Variants in LAMA3 observed in about 807,000 individuals in gnomAD.
LAMA3 encodes laminin subunit alpha 3.
LAMA3 carries 281 observed loss-of-function variants against 402.0 expected under a neutral mutation model. The observed-to-expected ratio is 0.70, with a 90% CI of 0.63 to 0.77. The LOEUF (loss-of-function observed/expected upper bound fraction) is 0.77, where lower values mean the gene tolerates loss of function less well. Among genes scored for constraint, LAMA3 ranks in the 30% least tolerant of loss-of-function variants. The probability of loss-of-function intolerance (pLI) is 0.00; values close to 1 mark genes in which losing one functional copy is unlikely to be tolerated. For synonymous variants in LAMA3, 1,431 were observed against 1,558.4 expected (o/e 0.92, Z 1.93); for missense variants, 3,840 against 4,215.5 (o/e 0.91, Z 2.47).
Position 23,819,856 on chromosome 18 carries a change from C to A in LAMA3, c.2163C>A (p.Tyr721Ter). 6.2e-7 allele frequency: 1 copy of A among 1,614,100 alleles called. No homozygotes were observed. Among genetic ancestry groups the A allele is most frequent in the Middle Eastern group, 1.6e-4 (1 of 6,062 alleles). The change falls in exon 19 of 75, where the codon TAC becomes TAA. Residue 721 changes from tyrosine to a stop codon, truncating the protein, a stop_gained. Transcript: ENST00000313654. LOFTEE classifies it high-confidence loss of function. ...GKVCQRPENNYYFPDLHHMKY... is the reference protein window; with the variant it reads ...GKVCQRPENN ...ATTATGAAAGGCCTGAAAACAACTA[C>A]TATTTCCCAGATTTGCATCATATGA...
chr18:23,824,648 C>G, intron 21 of LAMA3, 83 bp downstream of exon 21: 3 of 1,445,436 alleles, frequency 2.1e-6, no homozygotes, highest in Non-Finnish European at 2.9e-6. Context: ...CAATCCACAG[C>G]GACCATAAAA....
At chr18:23,834,747 C>G (rs1041936395) in intron 24 of LAMA3, 7 of 152,252 alleles carry the variant, frequency 4.6e-5, no homozygotes, top group African/African-American at 1.7e-4. Flanking sequence ...CTACTACTTT[C>G]ATGTTGCTTT....
At chr18:23,778,051 T>G (rs1305205563) in intron 11 of LAMA3, among the ~76,000 whole-genome samples, 2 of 152,182 alleles carry the variant, frequency 1.3e-5, no homozygotes, top group African/African-American at 4.8e-5. Context: ...CTGCCATTAG[T>G]GGAGGCATTA....
rs555494129 is a variant in LAMA3, at chr18:23,726,496, C to T, written c.447+12424C>T. On this transcript the variant is annotated intron_variant, in intron 2 of 74. Transcript: ENST00000313654. ...CTTTTGGCTCAGGCGCTGGGCAGGGCTGGGCCTGAAGGTGCCTGGTATTTA... is the reference window on the plus strand; with the variant it reads ...CTTTTGGCTCAGGCGCTGGGCAGGGTTGGGCCTGAAGGTGCCTGGTATTTA... Among the ~76,000 whole-genome samples the T allele has an allele frequency of 1.4e-4, 22 of 152,364 alleles. No individual in the cohort carries two copies. In the South Asian group the frequency reaches 3.1e-3, roughly 22 times the overall value.
At chr18:23,951,582 C>A in intron 72 of LAMA3, 102 bp from the exon 73 acceptor site, 2 of 835,344 alleles carry the variant, frequency 2.4e-6, no homozygotes, top group Admixed American at 2.0e-5. Flanking sequence ...CTAATGTGCC[C>A]TTAAGCTGTC....
intron 8 of LAMA3, among the ~76,000 whole-genome samples, chr18:23,771,089 G>T (rs1007376698): frequency 2.0e-5 from 3 of 152,166 alleles, no homozygotes; most frequent in Non-Finnish European, 4.4e-5. Flanking sequence ...ATAAGAAATG[G>T]AAATGTTTGT....
chr18:23,926,056 T>G (rs551565177), intron 62 of LAMA3, among the ~76,000 whole-genome samples: 2 of 152,308 alleles, frequency 1.3e-5, no homozygotes, highest in South Asian at 4.1e-4. Context: ...CTTAGGGTGG[T>G]TGGAAGATTC....
chr18:23,822,482 C>T (rs2144406007), intron 20 of LAMA3, 107 bp downstream of exon 20: 1 of 1,242,062 alleles, frequency 8.1e-7, no homozygotes, highest in East Asian at 2.4e-5. Context: ...AATGTCAAGC[C>T]TGGCTCATGG....
At chr18:23,755,035 T>A (rs186908738) in intron 6 of LAMA3, among the ~76,000 whole-genome samples, 2 of 152,308 alleles carry the variant, frequency 1.3e-5, no homozygotes, top group East Asian at 3.9e-4. Flanking sequence ...TTGAGAGAGC[T>A]TACGCACAAA....
intron 42 of LAMA3, among the ~76,000 whole-genome samples, chr18:23,893,724 A>G (rs1025510845): frequency 6.6e-6 from 1 of 152,192 alleles, no homozygotes; most frequent in African/African-American, 2.4e-5. Context: ...CCCGTGTTTC[A>G]TGGGACTGTT....
intron 49 of LAMA3, 56 bp from the exon 50 acceptor site, chr18:23,903,877 A>G (rs756038854): frequency 1.4e-5 from 20 of 1,383,534 alleles, no homozygotes; most frequent in Non-Finnish European, 2.1e-5. Flanking sequence ...TTGAGAAATC[A>G]GCACCTACAT....
rs1008746744 is a variant in LAMA3 at position 23,842,678 on chromosome 18, G to T, written c.3531G>T (p.Gln1177His). The T allele has an allele frequency of 1.2e-6, 2 of 1,614,078 alleles. No homozygotes were observed. Among genetic ancestry groups the T allele is most frequent in the Non-Finnish European group, 1.7e-6 (2 of 1,180,042 alleles). The change falls in exon 29 of 75, where the codon CAG (glutamine) becomes CAT (histidine). Residue 1177 changes from glutamine to histidine, a missense_variant. Coordinates refer to ENST00000313654, the MANE Select transcript of LAMA3 (RefSeq NM_198129.4). ...GCRDQVIAEGQIEFDISEPEV... is the reference protein window; with the variant it reads ...GCRDQVIAEGHIEFDISEPEV... ...GGGATCAAGTGATTGCCGAAGGCCA[G>T]ATTGAGTTTGACATCTCAGAGCCTG...
At position 23,857,990 on chromosome 18, in the gene LAMA3, T is replaced by TA; in HGVS notation, c.4281+4dup. 1 of 1,614,100 alleles carries TA rather than the reference T, an allele frequency of 6.2e-7. No individual in the cohort carries two copies. The highest frequency in any genetic ancestry group is 1.7e-5 in the Admixed American group (1 of 60,010). ...GGGACCGGGGCTTGCCTCTGCAAGG[T>TA]AAGAGAGATCGTGCAATGCCAGACA... On this transcript the variant is annotated splice_region_variant and intron_variant, in intron 33 of 74. Coordinates refer to ENST00000313654, the MANE Select transcript of LAMA3 (RefSeq NM_198129.4).
intron 11 of LAMA3, among the ~76,000 whole-genome samples, chr18:23,779,084 T>G (rs1055634218): frequency 1.3e-5 from 2 of 151,610 alleles, no homozygotes; most frequent in African/African-American, 4.9e-5. Flanking sequence ...AGAGACCAGG[T>G]GTGTGAAAGT....
intron 52 of LAMA3, among the ~76,000 whole-genome samples, chr18:23,906,034 G>C (rs1186988118): frequency 1.3e-5 from 2 of 151,920 alleles, no homozygotes; most frequent in East Asian, 1.9e-4. Context: ...CAAAATGGTG[G>C]GATTACAAGC....
chr18:23,725,733 G>A (rs2145972763), intron 2 of LAMA3, among the ~76,000 whole-genome samples: 1 of 152,368 alleles, frequency 6.6e-6, no homozygotes, highest in African/African-American at 2.4e-5. Flanking sequence ...CCACCTGGCA[G>A]CTTCTGCTGC....
intron 37 of LAMA3, among the ~76,000 whole-genome samples, chr18:23,869,795 G>A (rs1049449003): frequency 3.0e-4 from 45 of 152,290 alleles, no homozygotes; most frequent in African/African-American, 9.6e-4. Context: ...GAGGCCAGGC[G>A]CAATGGCTCA....
chr18:23,731,861 C>T (rs180877222), intron 2 of LAMA3, among the ~76,000 whole-genome samples: 9 of 152,168 alleles, frequency 5.9e-5, no homozygotes, highest in Admixed American at 2.0e-4. Flanking sequence ...CTCAGCATCA[C>T]GCAATATACC....
At chr18:23,818,556 T>C (rs2144367066) in intron 18 of LAMA3, among the ~76,000 whole-genome samples, 1 of 152,368 alleles carries the variant, frequency 6.6e-6, no homozygotes, top group Non-Finnish European at 1.5e-5. Context: ...TTTTAGGTTT[T>C]CTGACAAGTG....
Sources: allele counts gnomAD v4.1 joint callset (sites outside exome capture counted in the v4.1 genomes callset), GRCh38; gene constraint gnomAD v4.1.1; transcripts MANE v1.5; gene names NCBI Gene and HGNC (gene_info 2026-07-23, HGNC 2026-07-21).